Variants in AGBL4 observed in about 807,000 individuals in gnomAD.
The protein encoded by AGBL4 is AGBL carboxypeptidase 4.
AGBL4 carries 58 observed loss-of-function variants against 66.4 expected under a neutral mutation model. That is an observed-to-expected ratio of 0.87 (90% CI 0.71 to 1.09). The LOEUF (loss-of-function observed/expected upper bound fraction) is 1.09, where lower values mean the gene tolerates loss of function less well. AGBL4 is among the 50% of genes least tolerant of loss of function. The pLI is 0.00. For missense variants in AGBL4, 579 were observed against 631.0 expected (o/e 0.92, Z 0.88); for synonymous variants, 234 against 222.9 (o/e 1.05, Z -0.44).
chr1:49,792,715 C>A (rs1644630448), intron 2 of AGBL4, among the ~76,000 whole-genome samples: 1 of 151,900 alleles, frequency 6.6e-6, no homozygotes, highest in Non-Finnish European at 1.5e-5. Flanking sequence ...CACTGGTCTC[C>A]AAGATGCAAC....
intron 1 of AGBL4, among the ~76,000 whole-genome samples, chr1:49,906,966 A>AT (rs1650338778): frequency 1.3e-5 from 2 of 152,050 alleles, no homozygotes; most frequent in Admixed American, 6.6e-5. Context: ...GCCATTATAT[A>AT]TTTTTTCTAC....
chr1:49,960,787 A>G (rs992279732), intron 1 of AGBL4, among the ~76,000 whole-genome samples: 1 of 152,032 alleles, frequency 6.6e-6, no homozygotes, highest in African/African-American at 2.4e-5. Flanking sequence ...AAGGAAAGTA[A>G]TTTTCAGGTC....
chr1:48,627,947 G>A (rs1645532570), intron 9 of AGBL4, among the ~76,000 whole-genome samples: 1 of 152,140 alleles, frequency 6.6e-6, no homozygotes, highest in South Asian at 2.1e-4. Flanking sequence ...CCTCGGCTAT[G>A]GCAGTAAGCA....
At chr1:48,857,660 T>A (rs1394568445) in intron 6 of AGBL4, among the ~76,000 whole-genome samples, 1 of 151,782 alleles carries the variant, frequency 6.6e-6, no homozygotes, top group African/African-American at 2.4e-5. Context: ...GGTGGAGCTT[T>A]CAGTGAGCCA....
At chr1:49,455,755 G>T (rs931654462) in intron 3 of AGBL4, among the ~76,000 whole-genome samples, 1 of 151,446 alleles carries the variant, frequency 6.6e-6, no homozygotes, top group Non-Finnish European at 1.5e-5. Context: ...ATTCTTATCT[G>T]CCAGTCTCTT....
intron 3 of AGBL4, among the ~76,000 whole-genome samples, chr1:49,670,791 A>T (rs187554110): frequency 1.8e-3 from 267 of 152,292 alleles, no homozygotes; most frequent in Non-Finnish European, 3.1e-3. Context: ...GCCAGACTAA[A>T]AAATAAAAAT....
At chr1:48,922,403 A>G (rs1654156042) in intron 5 of AGBL4, among the ~76,000 whole-genome samples, 1 of 152,094 alleles carries the variant, frequency 6.6e-6, no homozygotes, top group Admixed American at 6.6e-5. Flanking sequence ...TAAGAGAAGG[A>G]TGCTAGCCAG....
chr1:49,124,488 G>A (rs532765780), intron 4 of AGBL4, among the ~76,000 whole-genome samples: 14 of 152,310 alleles, frequency 9.2e-5, no homozygotes, highest in South Asian at 4.1e-4. Context: ...AACCCTGACC[G>A]TAGCACTGCT....
chr1:49,770,929 T>C (rs898639831), intron 2 of AGBL4, among the ~76,000 whole-genome samples: 3 of 152,138 alleles, frequency 2.0e-5, no homozygotes, highest in Non-Finnish European at 4.4e-5. Context: ...TAACATTTTG[T>C]TGATTCTGTT....
intron 2 of AGBL4, among the ~76,000 whole-genome samples, chr1:49,793,082 T>C (rs939439405): frequency 2.0e-5 from 3 of 152,034 alleles, no homozygotes; most frequent in Admixed American, 2.0e-4. Flanking sequence ...CTCTCTATCC[T>C]CTTATTTTTA....
intron 3 of AGBL4, among the ~76,000 whole-genome samples, chr1:49,601,589 A>G (rs1558091242): frequency 6.6e-6 from 1 of 152,176 alleles, no homozygotes; most frequent in Non-Finnish European, 1.5e-5. Context: ...CATGACAAAA[A>G]CAAGCAATGG....
chr1:48,550,550 T>A (rs1025960365), intron 11 of AGBL4, among the ~76,000 whole-genome samples: 1 of 152,144 alleles, frequency 6.6e-6, no homozygotes, highest in African/African-American at 2.4e-5. Flanking sequence ...GCCTTAACCA[T>A]AACATTTACA....
intron 3 of AGBL4, among the ~76,000 whole-genome samples, chr1:49,583,405 ATAAG>A (rs987314752): frequency 1.3e-5 from 2 of 152,220 alleles, no homozygotes; most frequent in Admixed American, 1.3e-4. Context: ...ACCAGTAAAT[ATAAG>A]TAAGTGTTTC....
intron 4 of AGBL4, among the ~76,000 whole-genome samples, chr1:49,215,426 C>T (rs1219266425): frequency 6.6e-6 from 1 of 152,076 alleles, no homozygotes; most frequent in Non-Finnish European, 1.5e-5. Flanking sequence ...TAAACAGCCT[C>T]TGTTTTTTTG....
intron 5 of AGBL4, among the ~76,000 whole-genome samples, chr1:48,919,863 G>A (rs1192999483): frequency 6.6e-6 from 1 of 152,214 alleles, no homozygotes; most frequent in African/African-American, 2.4e-5. Context: ...ATCTCACTGG[G>A]TTGTATAAAA....
rs548332495 is a variant in AGBL4 at position 49,935,011 on chromosome 1, G to A, written c.35-83493C>T. Among the ~76,000 whole-genome samples, 11 of 152,340 alleles carry A rather than the reference G, an allele frequency of 7.2e-5. 1 individual carries two copies. The South Asian group carries it at 1.0e-3, about 14-fold the overall frequency. ...ACAGTGGGTGCAGCGCACCGTGTGC[G>A]AGTCAAAGCAGGGCAAGGCATTGCC... On this transcript the variant is annotated intron_variant, in intron 1 of 13. Coordinates refer to ENST00000371839, the MANE Select transcript of AGBL4 (RefSeq NM_032785.4).
chr1:49,049,327 C>T (rs1052886689), intron 4 of AGBL4, among the ~76,000 whole-genome samples: 9 of 152,134 alleles, frequency 5.9e-5, no homozygotes, highest in Admixed American at 4.6e-4. Context: ...GTATAACTGA[C>T]TACCCTTTAA....
At chr1:49,700,978 G>A (rs1647079639) in intron 2 of AGBL4, among the ~76,000 whole-genome samples, 1 of 151,994 alleles carries the variant, frequency 6.6e-6, no homozygotes, top group South Asian at 2.1e-4. Flanking sequence ...AAATGTGAAA[G>A]TTTGATACTT....
At chr1:49,639,625 T>A (rs904041967) in intron 3 of AGBL4, among the ~76,000 whole-genome samples, 1 of 152,112 alleles carries the variant, frequency 6.6e-6, no homozygotes, top group Non-Finnish European at 1.5e-5. Context: ...TTATTGGGAG[T>A]CTTCCAAATC....
Sources: gnomAD v4.1 joint callset for allele counts (sites outside exome capture counted in the v4.1 genomes callset) on GRCh38, gnomAD v4.1.1 for gene constraint, MANE v1.5 for transcripts, NCBI Gene and HGNC (gene_info 2026-07-23, HGNC 2026-07-21) for gene names.